CBFA2T2: variants seen among roughly 807,000 people sequenced by gnomAD.
CBFA2T2 encodes the protein protein CBFA2T2.
CBFA2T2 carries 11 observed loss-of-function variants against 62.2 expected under a neutral mutation model. That is an observed-to-expected ratio of 0.18 (90% CI 0.11 to 0.29). CBFA2T2 has a LOEUF of 0.29. Ranked by LOEUF, CBFA2T2 falls within the 10% of genes least tolerant of loss-of-function variation. The pLI, the probability that CBFA2T2 is intolerant of heterozygous loss-of-function variation, is 1.00. For synonymous variants in CBFA2T2, 295 were observed against 287.5 expected, an observed-to-expected ratio of 1.03 and a Z score of -0.27; for missense variants, 592 against 774.1, an observed-to-expected ratio of 0.76 and a Z score of 2.79.
At chr20:33,627,461 T>G (rs901477123) in intron 6 of CBFA2T2, among the ~76,000 whole-genome samples, 1 of 152,152 alleles carries the variant, frequency 6.6e-6, no homozygotes, top group Non-Finnish European at 1.5e-5. Flanking sequence ...ACTGGCTTGC[T>G]AATTAATGGT....
At chr20:33,490,835 C>T (rs1267694403) in intron 1 of CBFA2T2, among the ~76,000 whole-genome samples, 1 of 152,192 alleles carries the variant, frequency 6.6e-6, no homozygotes, top group African/African-American at 2.4e-5. Context: ...AGCGGGTTCC[C>T]TCCCTCCCCC....
At chr20:33,596,518 G>C (rs1329154849) in intron 1 of CBFA2T2, among the ~76,000 whole-genome samples, 2 of 151,972 alleles carry the variant, frequency 1.3e-5, no homozygotes, top group African/African-American at 4.8e-5. Context: ...CTCTTTACTT[G>C]GCTTCTGGTT....
rs148102044 is a variant in CBFA2T2, at chr20:33,567,746, T to C, written c.35-39210T>C. Among the ~76,000 whole-genome samples the C allele has an allele frequency of 5.6e-3, 848 of 150,534 alleles. 5 individuals are homozygous for C. The highest frequency in any genetic ancestry group is 0.019 in the African/African-American group (792 of 40,930). On this transcript the variant is annotated intron_variant, in intron 1 of 10. Transcript: ENST00000342704. The stretch of plus-strand genomic sequence containing the variant: ...TACAGGCATGTGCCACCACGCCCAG[T>C]TAATTTTTTGTATTTTTAGTAGAGA...
intron 2 of CBFA2T2, among the ~76,000 whole-genome samples, chr20:33,610,440 A>G (rs779290621): frequency 3.3e-5 from 5 of 152,220 alleles, no homozygotes; most frequent in Non-Finnish European, 5.9e-5. Flanking sequence ...AAAATGTAGG[A>G]TGGGAGTGTC....
chr20:33,588,802 C>G (rs961338821), intron 1 of CBFA2T2, among the ~76,000 whole-genome samples: 7 of 152,046 alleles, frequency 4.6e-5, no homozygotes, highest in Non-Finnish European at 7.4e-5. Context: ...CAAAAATTAG[C>G]CAGGCATGGT....
intron 6 of CBFA2T2, among the ~76,000 whole-genome samples, chr20:33,625,891 A>G (rs1378179947): frequency 2.0e-5 from 3 of 152,138 alleles, no homozygotes; most frequent in Non-Finnish European, 4.4e-5. Context: ...TCATGAGGTC[A>G]GGAGATGGAG....
At chr20:33,564,979 G>T (rs1432997755) in intron 1 of CBFA2T2, among the ~76,000 whole-genome samples, 2 of 151,944 alleles carry the variant, frequency 1.3e-5, no homozygotes, top group Non-Finnish European at 2.9e-5. Context: ...GAGTGCAGCG[G>T]CGCGATCTCG....
intron 1 of CBFA2T2, among the ~76,000 whole-genome samples, chr20:33,571,609 G>A (rs2013570632): frequency 6.6e-6 from 1 of 152,092 alleles, no homozygotes; most frequent in Non-Finnish European, 1.5e-5. Flanking sequence ...TATTTTTAAA[G>A]CTATTAATTT....
intron 7 of CBFA2T2, among the ~76,000 whole-genome samples, chr20:33,629,003 T>TG (rs776437109): frequency 2.2e-4 from 34 of 152,222 alleles, no homozygotes; most frequent in Non-Finnish European, 4.6e-4. Flanking sequence ...CAGTGGCACA[T>TG]GCCTGTAGTC....
chr20:33,514,206 GT>G (rs1196003433), intron 1 of CBFA2T2, among the ~76,000 whole-genome samples: 908 of 53,328 alleles, frequency 0.017, 13 homozygotes, highest in African/African-American at 0.059. Context: ...CCCTGCCTTT[GT>G]TTTTTTTTTT....
intron 8 of CBFA2T2, among the ~76,000 whole-genome samples, chr20:33,635,477 C>G (rs927445973): frequency 3.3e-5 from 5 of 152,214 alleles, no homozygotes; most frequent in African/African-American, 1.2e-4. Flanking sequence ...CCAGTCCACG[C>G]TGGAACAGCC....
rs114026819 is a variant in CBFA2T2 at position 33,629,429 on chromosome 20, T to C, written c.1033-290T>C. ...ACCCTAGGGATACAACAAATGCTGC[T>C]GCAACATGAAATAGTAGACTGTTGG... On this transcript the variant is annotated intron_variant, in intron 7 of 10. Coordinates refer to ENST00000342704, the MANE Select transcript of CBFA2T2 (RefSeq NM_001032999.3). Among the ~76,000 whole-genome samples, 853 of 152,372 alleles carry C rather than the reference T, an allele frequency of 5.6e-3. 5 individuals are homozygous for C. The highest frequency in any genetic ancestry group is 0.019 in the African/African-American group (797 of 41,578).
At chr20:33,580,408 G>A (rs543701300) in intron 1 of CBFA2T2, among the ~76,000 whole-genome samples, 5 of 152,276 alleles carry the variant, frequency 3.3e-5, no homozygotes, top group Admixed American at 1.3e-4. Flanking sequence ...CAAGATGAAC[G>A]TGGCCCCAAC....
chr20:33,610,350 GA>G (rs2015479061), intron 2 of CBFA2T2, among the ~76,000 whole-genome samples: 1 of 152,106 alleles, frequency 6.6e-6, no homozygotes, highest in African/African-American at 2.4e-5. Flanking sequence ...GGTTGTTTTC[GA>G]AATTAAAATT....
rs552681024 is a variant in CBFA2T2, at chr20:33,602,395, C to A, written c.35-4561C>A. Among the ~76,000 whole-genome samples the A allele has an allele frequency of 2.8e-5, 4 of 145,404 alleles. No homozygotes were observed. The East Asian group carries it at 8.0e-4, about 29-fold the overall frequency. ...TCCCTTTAGATAACCTCATTATTTT[C>A]TTATCTCGTATTTACACCTCTGCTC... is the stretch of plus-strand genomic sequence containing the variant. On this transcript the variant is annotated intron_variant, in intron 1 of 10. Coordinates refer to ENST00000342704, the MANE Select transcript of CBFA2T2 (RefSeq NM_001032999.3).
intron 1 of CBFA2T2, among the ~76,000 whole-genome samples, chr20:33,498,567 T>C (rs2011230144): frequency 6.6e-6 from 1 of 151,772 alleles, no homozygotes; most frequent in Non-Finnish European, 1.5e-5. Flanking sequence ...CTAGTTTTCT[T>C]ATATACAGAA....
At chr20:33,514,679 TTTTATTTA>T (rs749151980) in intron 1 of CBFA2T2, among the ~76,000 whole-genome samples, 202 of 152,058 alleles carry the variant, frequency 1.3e-3, no homozygotes, top group Middle Eastern at 3.4e-3. Context: ...AAGAGATTGC[TTTTATTTA>T]TTTATTTATT....
intron 1 of CBFA2T2, among the ~76,000 whole-genome samples, chr20:33,599,557 G>A (rs2015032879): frequency 6.6e-6 from 1 of 151,404 alleles, no homozygotes; most frequent in African/African-American, 2.4e-5. Flanking sequence ...TATCTTCAAA[G>A]GTCCTTGTAA....
chr20:33,540,471 T>C (rs1448073768), intron 1 of CBFA2T2, among the ~76,000 whole-genome samples: 1 of 152,190 alleles, frequency 6.6e-6, no homozygotes, highest in Non-Finnish European at 1.5e-5. Context: ...AACTGTACAG[T>C]GAAAATATAG....
Sources: allele counts gnomAD v4.1 joint callset (sites outside exome capture counted in the v4.1 genomes callset), GRCh38; gene constraint gnomAD v4.1.1; transcripts MANE v1.5; gene names NCBI Gene and HGNC (gene_info 2026-07-23, HGNC 2026-07-21).